The following EPS8L1 variants were observed in gnomAD, a reference collection of about 807,000 sequenced individuals.
EPS8L1 encodes the protein epidermal growth factor receptor kinase substrate 8-like protein 1.
Under a neutral mutation model 91.7 loss-of-function variants are expected in EPS8L1, and 101 were observed. That is an observed-to-expected ratio of 1.10 (90% CI 0.94 to 1.30). The LOEUF (loss-of-function observed/expected upper bound fraction) is 1.30. Among genes scored for constraint, EPS8L1 ranks in the 50% most tolerant of loss-of-function variants. EPS8L1 has a pLI of 0.00. For missense variants in EPS8L1, 1,114 were observed against 1,017.0 expected, an observed-to-expected ratio of 1.10 and a Z score of -1.30; for synonymous variants, 506 against 445.3, an observed-to-expected ratio of 1.14 and a Z score of -1.72.
chr19:55,086,634 C>CGGCCCCCCCCCCCCCCCCCCCCG, intron 17 of EPS8L1, 80 bp from the exon 18 acceptor site: 1 of 1,374,854 alleles, frequency 7.3e-7, no homozygotes, highest in Non-Finnish European at 9.8e-7. Flanking sequence ...GACGCTGGAG[C>CGGCCCCCCCCCCCCCCCCCCCCG]GCCCCCCCGC....
At position 55,085,945 on chromosome 19, in the gene EPS8L1, T is replaced by C; in HGVS notation, c.1490T>C (p.Leu497Pro). 6.2e-7 allele frequency: 1 copy of C among 1,613,296 alleles called. No homozygotes were observed. The highest frequency in any genetic ancestry group is 1.3e-5 in the African/African-American group (1 of 74,880). Residue 497 changes from leucine (L) to proline (P), a missense_variant, in exon 15 of 20, where the codon CTG (leucine) becomes CCG (proline). Coordinates refer to ENST00000201647, the MANE Select transcript of EPS8L1 (RefSeq NM_133180.3). Reference protein sequence around the residue: ...YDFQARNSSELSVKQRDVLEV... With the variant: ...YDFQARNSSEPSVKQRDVLEV... ...TTCCAGGCCCGCAACAGCAGTGAGC[T>C]GTCGGTCAAGCAGCGGGACGTACTG...
chr19:55,076,470 C>A lies in EPS8L1; in HGVS notation c.17+9C>A, dbSNP rs963684954. The A allele has an allele frequency of 6.2e-7, 1 of 1,611,714 alleles. No individual in the cohort carries two copies. The highest frequency in any genetic ancestry group is 8.5e-7 in the Non-Finnish European group (1 of 1,178,932). On this transcript the variant is annotated intron_variant, in intron 2 of 19. Transcript: ENST00000201647. ...ATGAGCACCGCCACAGGGTAAGCGCCCCCGGACCCCAGGTCCCAGCCCCAG... is the reference window on the plus strand; with the variant it reads ...ATGAGCACCGCCACAGGGTAAGCGCACCCGGACCCCAGGTCCCAGCCCCAG...
chr19:55,081,716 G>A lies in EPS8L1; in HGVS notation c.775-57G>A. On this transcript the variant is annotated intron_variant, in intron 8 of 19. Transcript: ENST00000201647. This position sits in a 1 kb window ranked among gnomAD's most constrained non-coding sequence, Gnocchi z 4.9. ...TATAGGTGCTCAGGTTCAGGGCTTC[G>A]ACGGGGATGGTTTTGGAACTCGGGA... 3 of 1,558,146 alleles carry A rather than the reference G, an allele frequency of 1.9e-6. No individual in the cohort carries two copies. The highest frequency in any genetic ancestry group is 1.4e-5 in the African/African-American group (1 of 72,986).
At chr19:55,079,510 C>G in intron 4 of EPS8L1, 180 bp from the exon 5 acceptor site, 1 of 715,250 alleles carries the variant, frequency 1.4e-6, no homozygotes, top group Admixed American at 3.0e-5. Context: ...GCTAGTCACT[C>G]TGATGAAAGG....
At chr19:55,076,591 T>C in intron 2 of EPS8L1, 130 bp downstream of exon 2, 1 of 1,136,402 alleles carries the variant, frequency 8.8e-7, no homozygotes, top group African/African-American at 1.6e-5. Flanking sequence ...GCCCCGACAC[T>C]CAGGAGGAAG....
rs2076265815 is a variant in EPS8L1, at chr19:55,081,680, CT to C, written c.775-92del. The C allele has an allele frequency of 2.0e-6, 3 of 1,514,152 alleles. No individual in the cohort carries two copies. The highest frequency in any genetic ancestry group is 2.8e-5 in the African/African-American group (2 of 71,784). 93.8% of individuals were successfully genotyped at this position (1,514,152 alleles called of 1,614,324 possible). On this transcript the variant is annotated intron_variant, in intron 8 of 19. Transcript: ENST00000201647. This position sits in a 1 kb window ranked among gnomAD's most constrained non-coding sequence, Gnocchi z 4.9. The stretch of plus-strand genomic sequence containing the variant: ...CCAGGTGTTTGGGGCGTGGCCTGAT[CT>C]GGGGAAGTGTATAGGTGCTCAGGTT...
Position 55,083,762 on chromosome 19 carries a change from C to T in EPS8L1, c.1385+118C>T, listed in dbSNP as rs1329520096. 2.0e-5 allele frequency: 25 copies of T among 1,236,962 alleles called. 1 individual carries two copies. In the East Asian group the frequency reaches 9.1e-4, roughly 45 times the overall value. The allele number at this position is 1,236,962 out of a possible 1,614,324, so 76.6% of individuals were successfully genotyped here. ...TTTTCCTTCTGTCTTCCTGGCTCTT[C>T]TCAGGTGGGTGAGATGGTGATGGGG... is the stretch of plus-strand genomic sequence containing the variant. On this transcript the variant is annotated intron_variant, in intron 14 of 19. Transcript: ENST00000201647. The surrounding 1 kb of genome is among the most constrained non-coding windows in gnomAD (Gnocchi z 4.7).
At chr19:55,076,569 ACT>A in intron 2 of EPS8L1, 108 bp downstream of exon 2, 1 of 1,321,568 alleles carries the variant, frequency 7.6e-7, no homozygotes. Context: ...GGCGGCCCAG[ACT>A]CTGGCCCAAG....
Position 55,085,867 on chromosome 19 carries a change from A to C in EPS8L1, c.1412A>C (p.Glu471Ala), listed in dbSNP as rs1474403984. ...NGHRDLEPES[E>A]PQLESETAGK... ...CACCGAGACTTGGAGCCAGAATCTG[A>C]GCCTCAGCTGGAGTCAGAGACAGCA... The change falls in exon 15 of 20, where the codon GAG (glutamate) becomes GCG (alanine). Residue 471 changes from glutamate to alanine, a missense_variant. Transcript: ENST00000201647. 1 of 1,613,010 alleles carries C rather than the reference A, an allele frequency of 6.2e-7. No individual in the cohort carries two copies. The highest frequency in any genetic ancestry group is 1.7e-5 in the Admixed American group (1 of 59,944).
At chr19:55,085,499 T>C (rs2076344187) in intron 14 of EPS8L1, among the ~76,000 whole-genome samples, 1 of 152,122 alleles carries the variant, frequency 6.6e-6, no homozygotes. Context: ...TGAGTTATGA[T>C]ATATAAAGCC....
At position 55,083,952 on chromosome 19, in the gene EPS8L1, G is replaced by T; in HGVS notation, c.1385+308G>T. ...AGGTTGGATCCCTGGATCCCCAAAAGGCTGGAAGAAGCCAGTTTGTTTTCC... is the reference window on the plus strand; with the variant it reads ...AGGTTGGATCCCTGGATCCCCAAAATGCTGGAAGAAGCCAGTTTGTTTTCC... On this transcript the variant is annotated intron_variant, in intron 14 of 19. Transcript: ENST00000201647. This position sits in a 1 kb window ranked among gnomAD's most constrained non-coding sequence, Gnocchi z 4.7. 1 of 595,794 alleles carries T rather than the reference G, an allele frequency of 1.7e-6. No homozygotes were observed. The highest frequency in any genetic ancestry group is 3.0e-6 in the Non-Finnish European group (1 of 334,958). 36.9% of individuals were successfully genotyped at this position (595,794 alleles called of 1,614,324 possible). A position where few individuals can be genotyped will look rare whatever the true frequency, so the allele number is the denominator to read the frequency against.
intron 16 of EPS8L1, 91 bp from the exon 17 acceptor site, chr19:55,086,301 T>G (rs2076351394): frequency 1.9e-6 from 3 of 1,610,702 alleles, no homozygotes; most frequent in Admixed American, 3.4e-5. Context: ...AGGTGGTGAC[T>G]GGGGGTTCAG....
chr19:55,087,179 G>A, intron 18 of EPS8L1, 124 bp from the exon 19 acceptor site: 1 of 1,406,150 alleles, frequency 7.1e-7, no homozygotes, highest in Non-Finnish European at 9.4e-7. Context: ...GGAGGTGTCG[G>A]GCCTGCCCCC....
Position 55,087,294 on chromosome 19 carries a change from C to G in EPS8L1, c.1953-9C>G, listed in dbSNP as rs2076363199. The G allele has an allele frequency of 6.3e-7, 1 of 1,596,934 alleles. No individual in the cohort carries two copies. The highest frequency in any genetic ancestry group is 8.5e-7 in the Non-Finnish European group (1 of 1,172,340). ...CCGGCCTGACCGCGCCCGGGCTGCC[C>G]TCGCTCAGGACCGTGGACGCGCTGG... On this transcript the variant is annotated splice_polypyrimidine_tract_variant and intron_variant, in intron 18 of 19. Transcript: ENST00000201647.
intron 19 of EPS8L1, 33 bp downstream of exon 19, chr19:55,087,468 A>G (rs754547424): frequency 1.9e-6 from 3 of 1,614,114 alleles, no homozygotes; most frequent in Non-Finnish European, 2.5e-6. Context: ...GGGTCTGGGT[A>G]GGGTTGGGAT....
chr19:55,084,816 C>T (rs1030641030), intron 14 of EPS8L1, among the ~76,000 whole-genome samples: 5 of 152,298 alleles, frequency 3.3e-5, no homozygotes, highest in South Asian at 4.1e-4. Context: ...TATCCGTTCC[C>T]GGAACAGTGA....
rs2076369965 is a variant in EPS8L1 at position 55,087,887 on chromosome 19, A to T, written c.*273A>T. On this transcript the variant is annotated 3_prime_UTR_variant, in exon 20 of 20. Coordinates refer to ENST00000201647, the MANE Select transcript of EPS8L1 (RefSeq NM_133180.3). ...GCAGTGGAGCCCTGAGCATTGTAAT[A>T]TGCGGCCCAGCCTATAAACAGCCTC... 1 of 478,566 alleles carries T rather than the reference A, an allele frequency of 2.1e-6. No homozygotes were observed. Among genetic ancestry groups the T allele is most frequent in the African/African-American group, 2.0e-5 (1 of 50,646 alleles). 29.6% of individuals were successfully genotyped at this position (478,566 alleles called of 1,614,324 possible).
intron 6 of EPS8L1, 132 bp downstream of exon 6, chr19:55,080,410 G>T: frequency 1.3e-6 from 2 of 1,584,906 alleles, no homozygotes; most frequent in Non-Finnish European, 1.7e-6. Context: ...GAAGGGCAGG[G>T]GACCTGGGAA....
In EPS8L1 at chr19:55,087,250, G is replaced by A. The variant is rs981685509; in HGVS notation, c.1953-53G>A. ...CCGGGTGGGCGTGACATGATTGTCC[G>A]GGCTGGGGCATCCGCCGACCGGCCT... On this transcript the variant is annotated intron_variant, in intron 18 of 19. Transcript: ENST00000201647. The A allele has an allele frequency of 1.1e-5, 17 of 1,544,966 alleles. 1 individual carries two copies. In the South Asian group the frequency reaches 1.5e-4, roughly 14 times the overall value.
Sources: gnomAD v4.1 joint callset for allele counts (sites outside exome capture counted in the v4.1 genomes callset) on GRCh38, gnomAD v4.1.1 for gene constraint, Gnocchi (gnomAD v3.1) non-coding constraint, MANE v1.5 for transcripts, NCBI Gene and HGNC (gene_info 2026-07-23, HGNC 2026-07-21) for gene names.